Variants in CFAP299 observed in about 807,000 individuals in gnomAD.
CFAP299 encodes cilia and flagella associated protein 299, also known as cilia- and flagella-associated protein 299.
CFAP299 carries 21 observed loss-of-function variants against 27.0 expected under a neutral mutation model. The observed-to-expected ratio is 0.78, with a 90% confidence interval of 0.55 to 1.12. The LOEUF (loss-of-function observed/expected upper bound fraction) is 1.12, where lower values mean the gene tolerates loss of function less well. Ranked by LOEUF, CFAP299 falls within the 50% of genes most tolerant of loss-of-function variation. The pLI is 0.00. For missense variants in CFAP299, 310 were observed against 276.6 expected, an observed-to-expected ratio of 1.12 and a Z score of -0.86; for synonymous variants, 104 against 98.1, an observed-to-expected ratio of 1.06 and a Z score of -0.36.
chr4:80,716,888 T>A (rs1335555351), intron 3 of CFAP299, among the ~76,000 whole-genome samples: 1 of 152,078 alleles, frequency 6.6e-6, no homozygotes, highest in Non-Finnish European at 1.5e-5. Context: ...GCCCAGGAAT[T>A]GCAACCTACT....
chr4:80,665,793 G>A lies in CFAP299; in HGVS notation c.333+82610G>A, dbSNP rs185633570. Among the ~76,000 whole-genome samples the A allele has an allele frequency of 8.1e-4, 124 of 152,212 alleles. 1 individual carries two copies. The highest frequency in any genetic ancestry group is 2.8e-3 in the African/African-American group (116 of 41,554). ...TTGTGGGAGTAGATTTTTCATGAAT[G>A]GTTCAGTACAATCGCCTTGGTACTG... On this transcript the variant is annotated intron_variant, in intron 3 of 5. Transcript: ENST00000358105.
At chr4:80,384,097 T>C (rs1724848509) in intron 2 of CFAP299, among the ~76,000 whole-genome samples, 1 of 152,170 alleles carries the variant, frequency 6.6e-6, no homozygotes, top group African/African-American at 2.4e-5. Flanking sequence ...TCATTCTTCC[T>C]CCCAGCATTG....
intron 3 of CFAP299, among the ~76,000 whole-genome samples, chr4:80,681,072 C>G (rs1244864009): frequency 6.6e-6 from 1 of 152,112 alleles, no homozygotes; most frequent in South Asian, 2.1e-4. Flanking sequence ...TTTTGAAGAA[C>G]ATTGTTCTCA....
intron 3 of CFAP299, among the ~76,000 whole-genome samples, chr4:80,817,818 A>C (rs897604046): frequency 6.7e-6 from 1 of 149,412 alleles, no homozygotes; most frequent in Non-Finnish European, 1.5e-5. Flanking sequence ...TAATGCTCTT[A>C]TAGTTTTCTT....
chr4:80,682,367 A>G (rs1033036544), intron 3 of CFAP299, among the ~76,000 whole-genome samples: 2 of 151,956 alleles, frequency 1.3e-5, no homozygotes, highest in Non-Finnish European at 2.9e-5. Context: ...CTTCTCCCCT[A>G]TCTGTTTTCT....
At chr4:80,722,147 G>T (rs6834096) in intron 3 of CFAP299, among the ~76,000 whole-genome samples, 79 of 152,288 alleles carry the variant, frequency 5.2e-4, no homozygotes, top group African/African-American at 1.8e-3. Context: ...GCCAGGCTCA[G>T]TGGCTCATGC....
intron 2 of CFAP299, among the ~76,000 whole-genome samples, chr4:80,535,968 C>A (rs1176304878): frequency 1.3e-5 from 2 of 152,114 alleles, no homozygotes; most frequent in Non-Finnish European, 2.9e-5. Context: ...AGGGAGAGAT[C>A]TAGAACCACT....
chr4:80,751,296 G>A (rs1158847770), intron 3 of CFAP299, among the ~76,000 whole-genome samples: 1 of 152,146 alleles, frequency 6.6e-6, no homozygotes, highest in African/African-American at 2.4e-5. Context: ...TCAGTCAGGA[G>A]GAATGGGATC....
At chr4:80,879,169 G>A (rs1373858065) in intron 4 of CFAP299, among the ~76,000 whole-genome samples, 2 of 152,066 alleles carry the variant, frequency 1.3e-5, no homozygotes, top group African/African-American at 2.4e-5. Context: ...ACCCTCTGGG[G>A]CATCAGGAAA....
intron 1 of CFAP299, among the ~76,000 whole-genome samples, chr4:80,361,174 C>T (rs1051900687): frequency 2.0e-5 from 3 of 152,156 alleles, no homozygotes; most frequent in Non-Finnish European, 2.9e-5. Flanking sequence ...ATAGATCATG[C>T]CATTTCTTGC....
intron 5 of CFAP299, among the ~76,000 whole-genome samples, chr4:80,949,546 C>CAACA (rs763234040): frequency 3.9e-4 from 17 of 43,044 alleles, no homozygotes; most frequent in South Asian, 1.4e-3. Flanking sequence ...ACAACAACAA[C>CAACA]AAAAAAAAAA....
chr4:80,528,567 G>A (rs1466849367), intron 2 of CFAP299, among the ~76,000 whole-genome samples: 1 of 152,010 alleles, frequency 6.6e-6, no homozygotes, highest in African/African-American at 2.4e-5. Context: ...TGCCACATCT[G>A]CCCACATTAT....
chr4:80,850,245 G>C (rs1295687931), intron 3 of CFAP299, among the ~76,000 whole-genome samples: 1 of 151,606 alleles, frequency 6.6e-6, no homozygotes, highest in African/African-American at 2.4e-5. Context: ...GGTGATAAAA[G>C]GAGAAAAAGT....
intron 4 of CFAP299, among the ~76,000 whole-genome samples, chr4:80,912,378 A>G (rs912575516): frequency 6.6e-5 from 10 of 152,130 alleles, no homozygotes; most frequent in African/African-American, 2.2e-4. Flanking sequence ...ATGAGCGAGA[A>G]AGGTTCGTCC....
intron 2 of CFAP299, among the ~76,000 whole-genome samples, chr4:80,399,926 C>T (rs72659827): frequency 7.2e-5 from 11 of 152,012 alleles, no homozygotes; most frequent in Admixed American, 3.3e-4. Context: ...AAACCAGAGG[C>T]GTTTTTTGCT....
At chr4:80,643,358 A>G (rs1009751811) in intron 3 of CFAP299, among the ~76,000 whole-genome samples, 5 of 152,268 alleles carry the variant, frequency 3.3e-5, no homozygotes, top group Admixed American at 3.3e-4. Context: ...GAACTGCCAA[A>G]AGAGAAGAAG....
intron 3 of CFAP299, among the ~76,000 whole-genome samples, chr4:80,829,873 G>A (rs1730201952): frequency 6.6e-6 from 1 of 152,088 alleles, no homozygotes; most frequent in South Asian, 2.1e-4. Flanking sequence ...GGTAGCTTAA[G>A]TAGTAAAACT....
chr4:80,744,423 G>A, intron 3 of CFAP299, among the ~76,000 whole-genome samples: 1 of 151,358 alleles, frequency 6.6e-6, no homozygotes. Flanking sequence ...TGGGAGGGAG[G>A]GGAATTATGG....
At chr4:80,934,925 T>A (rs1460444451) in intron 4 of CFAP299, among the ~76,000 whole-genome samples, 1 of 152,026 alleles carries the variant, frequency 6.6e-6, no homozygotes, top group Non-Finnish European at 1.5e-5. Flanking sequence ...TAACTCTGAG[T>A]TTAGCTTTTT....
Sources: gnomAD v4.1 joint callset for allele counts (sites outside exome capture counted in the v4.1 genomes callset) on GRCh38, gnomAD v4.1.1 for gene constraint, MANE v1.5 for transcripts, NCBI Gene and HGNC (gene_info 2026-07-23, HGNC 2026-07-21) for gene names.